Variants in CEP164 observed in about 807,000 individuals in gnomAD.
CEP164 encodes the protein centrosomal protein 164, also known as centrosomal protein of 164 kDa.
Under a neutral mutation model 182.7 loss-of-function variants are expected in CEP164, and 162 were observed. The ratio of observed to expected loss-of-function variants is 0.89; its 90% confidence interval spans 0.78 to 1.01. The LOEUF is 1.01. CEP164 is among the 50% of genes least tolerant of loss of function. CEP164 has a pLI of 0.00. For synonymous variants in CEP164, 661 were observed against 690.0 expected (o/e 0.96, Z 0.66); for missense variants, 1,735 against 1,790.4 (o/e 0.97, Z 0.56).
At chr11:117,377,657 C>G (rs763417040) in intron 11 of CEP164, among the ~76,000 whole-genome samples, 1 of 152,150 alleles carries the variant, frequency 6.6e-6, no homozygotes, top group Non-Finnish European at 1.5e-5. Flanking sequence ...AGGGCAGGAC[C>G]AGGGCAGAAG....
At chr11:117,395,856 G>C in intron 24 of CEP164, 134 bp downstream of exon 24, 2 of 1,242,142 alleles carry the variant, frequency 1.6e-6, no homozygotes, top group Non-Finnish European at 2.2e-6. Flanking sequence ...AGAGCCTGTG[G>C]CTACATTTTG....
intron 17 of CEP164, 100 bp downstream of exon 17, chr11:117,391,315 C>A: frequency 8.3e-7 from 1 of 1,201,508 alleles, no homozygotes; most frequent in Non-Finnish European, 1.2e-6. Flanking sequence ...CTCGGGTGGG[C>A]GTGCAGGCTG....
At chr11:117,357,689 T>G (rs532565910) in intron 5 of CEP164, among the ~76,000 whole-genome samples, 1 of 152,056 alleles carries the variant, frequency 6.6e-6, no homozygotes, top group African/African-American at 2.4e-5. Flanking sequence ...CCCAAAGTCC[T>G]GGGATTACAG....
chr11:117,380,411 C>T (rs1003976436), intron 11 of CEP164, among the ~76,000 whole-genome samples: 6 of 152,160 alleles, frequency 3.9e-5, no homozygotes, highest in African/African-American at 1.2e-4. Context: ...AAGGCTGACC[C>T]AGGGAGCAGC....
rs2136450215 is a variant in CEP164, at chr11:117,395,543, C to T, written c.2914-4C>T. On this transcript the variant is annotated splice_region_variant and splice_polypyrimidine_tract_variant and intron_variant, in intron 23 of 32. Coordinates refer to ENST00000278935, the MANE Select transcript of CEP164 (RefSeq NM_014956.5). ...GGTGCTTCTATCTTTCCTTTTGCCC[C>T]TAGGAAGCCACAGCCACCCATCAGC... is the stretch of plus-strand genomic sequence containing the variant. 5.6e-6 allele frequency: 9 copies of T among 1,606,926 alleles called. No individual in the cohort carries two copies. The highest frequency in any genetic ancestry group is 6.8e-6 in the Non-Finnish European group (8 of 1,176,606).
Position 117,373,829 on chromosome 11 carries a change from C to G in CEP164, c.1231C>G (p.Leu411Val), listed in dbSNP as rs1280175185. ...IASDPKSFHG[L>V]DFGFRSRISE... ...TTCTGACCCCAAGTCCTTCCATGGC[C>G]TGGTGAGTTTGAGATGAGGGCAGTA... The change falls in exon 10 of 33, where the codon CTG becomes GTG. Residue 411 changes from leucine to valine, a missense_variant and splice_region_variant. By Grantham distance (32) the Leu-to-Val change is conservative. Coordinates refer to ENST00000278935, the MANE Select transcript of CEP164 (RefSeq NM_014956.5). The G allele has an allele frequency of 6.2e-7, 1 of 1,613,758 alleles. No homozygotes were observed. The highest frequency in any genetic ancestry group is 1.3e-5 in the African/African-American group (1 of 74,910).
chr11:117,411,686 G>C lies in CEP164; in HGVS notation c.4164-109G>C. ...TAGGGACCTCGGAGAAGCTGCTCTGGTAGCTGAGAGAAAGAGGGAGGAGGT... is the reference window on the plus strand; with the variant it reads ...TAGGGACCTCGGAGAAGCTGCTCTGCTAGCTGAGAGAAAGAGGGAGGAGGT... On this transcript the variant is annotated intron_variant, in intron 31 of 32. Coordinates refer to ENST00000278935, the MANE Select transcript of CEP164 (RefSeq NM_014956.5). The surrounding 1 kb of genome is among the most constrained non-coding windows in gnomAD (Gnocchi z 4.4). 5 of 1,475,360 alleles carry C rather than the reference G, an allele frequency of 3.4e-6. No homozygotes were observed. The highest frequency in any genetic ancestry group is 4.6e-6 in the Non-Finnish European group (5 of 1,081,406). The allele number at this position is 1,475,360 out of a possible 1,614,324, so 91.4% of individuals were successfully genotyped here.
chr11:117,339,515 GTTTTTT>G (rs2037753689), intron 3 of CEP164, among the ~76,000 whole-genome samples: 2 of 90,870 alleles, frequency 2.2e-5, no homozygotes, highest in South Asian at 8.2e-4. Context: ...CTTTTCCTTT[GTTTTTT>G]GTTTTTTTTT....
Position 117,409,792 on chromosome 11 carries a change from G to GCCCCCCC in CEP164, c.3924_3925insCCCCCCC (p.Thr1309ProfsTer83). On this transcript the variant is annotated frameshift_variant, in exon 30 of 33. Transcript: ENST00000278935. LOFTEE classifies it high-confidence loss of function. This position sits in a 1 kb window ranked among gnomAD's most constrained non-coding sequence, Gnocchi z 4.4. Reference sequence around the variant, plus strand: ...CAGCTCCCTCCCCGGGACCCTAAGAGCACCCCCACCCCCACCTACTATGGC... The same window carrying GCCCCCCC: ...CAGCTCCCTCCCCGGGACCCTAAGAGCCCCCCCCACCCCCACCCCCACCTACTATGGC... 1 of 1,612,940 alleles carries GCCCCCCC rather than the reference G, an allele frequency of 6.2e-7. No homozygotes were observed. The highest frequency in any genetic ancestry group is 8.5e-7 in the Non-Finnish European group (1 of 1,179,366).
chr11:117,395,672 C>T lies in CEP164; in HGVS notation c.3039C>T (p.Ser1013=). The stretch of plus-strand genomic sequence containing the variant: ...AGGCCCGCAAGCTGAAGCTGGAGTC[C>T]CAAGTGGATCTGCTGCAGGCTCAGA... The part of the protein sequence containing the change: ...ELQARKLKLE[S]QVDLLQAQSQ... The change falls in exon 24 of 33, where the codon TCC becomes TCT. Residue 1013 remains serine, a synonymous_variant. Transcript: ENST00000278935. 2 of 1,613,388 alleles carry T rather than the reference C, an allele frequency of 1.2e-6. No homozygotes were observed. The highest frequency in any genetic ancestry group is 1.7e-6 in the Non-Finnish European group (2 of 1,179,990).
At chr11:117,338,430 G>C in intron 2 of CEP164, 136 bp from the exon 3 acceptor site, 1 of 639,236 alleles carries the variant, frequency 1.6e-6, no homozygotes, top group Non-Finnish European at 2.8e-6. Flanking sequence ...ACTATACCTG[G>C]CGCCTGGGAA....
At chr11:117,342,615 A>G (rs1452248769) in intron 3 of CEP164, among the ~76,000 whole-genome samples, 1 of 152,024 alleles carries the variant, frequency 6.6e-6, no homozygotes, top group East Asian at 1.9e-4. Context: ...GGCTGGGACT[A>G]TAGGCACATG....
rs201125321 is a variant in CEP164 at position 117,371,142 on chromosome 11, C to T, written c.828C>T (p.Ala276=). Residue 276 remains alanine (A), a synonymous_variant, in exon 9 of 33, where the codon GCC becomes GCT. Transcript: ENST00000278935. ...ATGTTTCTCTGGATTCAGATGCTGC[C>T]GGTCCCCCTACTCCCTGCAAGCCCT... The part of the protein sequence containing the change: ...KKDVSLDSDA[A]GPPTPCKPSS... 156 of 1,612,704 alleles carry T rather than the reference C, an allele frequency of 9.7e-5. No individual in the cohort carries two copies. The East Asian group carries it at 2.0e-3, about 20-fold the overall frequency.
chr11:117,363,759 C>CTTTTTTT (rs72255760), intron 8 of CEP164, among the ~76,000 whole-genome samples: 3 of 58,444 alleles, frequency 5.1e-5, no homozygotes, highest in Non-Finnish European at 6.2e-5. Context: ...ACCTCCAATG[C>CTTTTTTT]TTTTTTTTTT....
Position 117,382,817 on chromosome 11 carries a change from T to A in CEP164, c.1599T>A (p.Pro533=). The A allele has an allele frequency of 6.2e-7, 1 of 1,614,114 alleles. No individual in the cohort carries two copies. Among genetic ancestry groups the A allele is most frequent in the Non-Finnish European group, 8.5e-7 (1 of 1,179,996 alleles). The change falls in exon 14 of 33, where the codon CCT becomes CCA. Residue 533 remains proline, a synonymous_variant. Coordinates refer to ENST00000278935, the MANE Select transcript of CEP164 (RefSeq NM_014956.5). The part of the protein sequence containing the change: ...SLQREQAPSP[P]AACEKGKEQH... ...CAAGGGAGCAGGCCCCAAGCCCACC[T>A]GCTGCCTGTGAGAAGGGCAAGGAGC...
chr11:117,329,621 A>G (rs944834630), intron 1 of CEP164, among the ~76,000 whole-genome samples: 1 of 152,160 alleles, frequency 6.6e-6, no homozygotes, highest in Non-Finnish European at 1.5e-5. Context: ...GGCTCACTGC[A>G]GTCTCAGTCT....
At chr11:117,393,614 A>G (rs935625777) in intron 20 of CEP164, among the ~76,000 whole-genome samples, 3 of 152,234 alleles carry the variant, frequency 2.0e-5, no homozygotes, top group Admixed American at 1.3e-4. Context: ...CCAGCCAATA[A>G]GTAGAAGAGC....
chr11:117,395,769 GC>G (rs1401885534), intron 24 of CEP164, 47 bp downstream of exon 24: 10 of 1,568,070 alleles, frequency 6.4e-6, no homozygotes, highest in Non-Finnish European at 7.8e-6. Flanking sequence ...CCTCCTGCCT[GC>G]CCTCTGACCT....
intron 5 of CEP164, among the ~76,000 whole-genome samples, chr11:117,360,023 G>T (rs1246852593): frequency 6.6e-6 from 1 of 152,216 alleles, no homozygotes; most frequent in African/African-American, 2.4e-5. Context: ...GAAGGGACCT[G>T]GTCAGCCCCA....
Sources: allele counts gnomAD v4.1 joint callset (sites outside exome capture counted in the v4.1 genomes callset), GRCh38; gene constraint gnomAD v4.1.1; non-coding constraint Gnocchi (gnomAD v3.1); transcripts MANE v1.5; gene names NCBI Gene and HGNC (gene_info 2026-07-23, HGNC 2026-07-21).